ADCY9: variants seen among roughly 807,000 people sequenced by gnomAD.
The protein encoded by ADCY9 is adenylate cyclase 9.
A neutral mutation model predicts 101.5 loss-of-function variants in ADCY9; 50 were observed. The ratio of observed to expected loss-of-function variants is 0.49; its 90% CI spans 0.39 to 0.62. The LOEUF is 0.62. ADCY9 is among the 20% of genes least tolerant of loss of function. The pLI, the probability that ADCY9 is intolerant of heterozygous loss-of-function variation, is 0.00. For synonymous variants in ADCY9, 905 were observed against 769.3 expected (o/e 1.18, Z -2.92); for missense variants, 1,662 against 1,800.4 (o/e 0.92, Z 1.39).
At chr16:4,081,066 T>C (rs1168726547) in intron 2 of ADCY9, among the ~76,000 whole-genome samples, 1 of 152,190 alleles carries the variant, frequency 6.6e-6, no homozygotes, top group Non-Finnish European at 1.5e-5. Context: ...CCGAGAAATA[T>C]TTCTAGGTCT....
At position 3,965,719 on chromosome 16, in the gene ADCY9, C is replaced by T; in HGVS notation, c.*56G>A. The T allele has an allele frequency of 6.6e-7, 1 of 1,521,162 alleles. No individual in the cohort carries two copies. The highest frequency in any genetic ancestry group is 1.4e-5 in the African/African-American group (1 of 72,554). 94.2% of individuals were successfully genotyped at this position (1,521,162 alleles called of 1,614,324 possible). ...GCTTGGAAAGCACAACAGCCAAATA[C>T]AAATATTACTGTGTTTCGACAAACA... On this transcript the variant is annotated 3_prime_UTR_variant, in exon 11 of 11. Transcript: ENST00000294016.
intron 7 of ADCY9, among the ~76,000 whole-genome samples, chr16:3,981,591 ATCT>A (rs547106756): frequency 2.3e-3 from 348 of 152,188 alleles, no homozygotes; most frequent in African/African-American, 7.8e-3. Flanking sequence ...AATAAAGCAG[ATCT>A]TCTTTTTTTT....
In ADCY9 at chr16:4,004,467, G is replaced by A. The variant is rs146431074; in HGVS notation, c.1884+2901C>T. On this transcript the variant is annotated intron_variant, in intron 3 of 10. Coordinates refer to ENST00000294016, the MANE Select transcript of ADCY9 (RefSeq NM_001116.4). ...CAGAGGACACACATGCTAAGGGCAG[G>A]AAATAAACCCTTCGTGGGCGCTGCC... 3.8e-3 allele frequency among the ~76,000 whole-genome samples: 576 copies of A among 152,258 alleles called. 2 individuals are homozygous for A. The highest frequency in any genetic ancestry group is 0.013 in the African/African-American group (542 of 41,548).
chr16:4,000,330 G>C (rs1001679188), intron 3 of ADCY9, among the ~76,000 whole-genome samples: 1 of 152,094 alleles, frequency 6.6e-6, no homozygotes, highest in Non-Finnish European at 1.5e-5. Flanking sequence ...CGCGTAAAGA[G>C]GCGGTGAGCC....
rs750569843 is a variant in ADCY9 at position 3,966,454 on chromosome 16, C to T, written c.3383G>A (p.Gly1128Asp). The change falls in exon 11 of 11, where the codon GGC (glycine) becomes GAC (aspartate). Residue 1128 changes from glycine (G) to aspartate (D), a missense_variant. Around this residue, in one of 5 missense-constraint regions of ADCY9, gnomAD observed 220 missense variants for 312.9 expected, o/e 0.70. Coordinates refer to ENST00000294016, the MANE Select transcript of ADCY9 (RefSeq NM_001116.4). ...CTGCAGGTGCTCCTGCGGGTGGCTGCCGTCCTGGGCCTGCGCGGTGTTCAG... is the reference window on the plus strand; with the variant it reads ...CTGCAGGTGCTCCTGCGGGTGGCTGTCGTCCTGGGCCTGCGCGGTGTTCAG... ...SGLNTAQAQD[G>D]SHPQEHLQIL... 3 of 1,614,150 alleles carry T rather than the reference C, an allele frequency of 1.9e-6. No homozygotes were observed. The Admixed American group carries it at 5.0e-5, about 27-fold the overall frequency.
intron 2 of ADCY9, among the ~76,000 whole-genome samples, chr16:4,055,237 T>A (rs2056729845): frequency 6.6e-6 from 1 of 152,120 alleles, no homozygotes; most frequent in African/African-American, 2.4e-5. Context: ...AAAGCCTTTT[T>A]AGATGTCTTT....
At chr16:4,103,568 G>A (rs773362876) in intron 2 of ADCY9, among the ~76,000 whole-genome samples, 9 of 152,322 alleles carry the variant, frequency 5.9e-5, no homozygotes, top group African/African-American at 9.6e-5. Context: ...AGTGGCTCAC[G>A]CCTGTAATCC....
chr16:4,006,533 C>T (rs939346684), intron 3 of ADCY9, among the ~76,000 whole-genome samples: 17 of 152,074 alleles, frequency 1.1e-4, no homozygotes, highest in Non-Finnish European at 2.1e-4. Flanking sequence ...GAGGCAGGGA[C>T]GTATTGGGTG....
At position 4,007,367 on chromosome 16, in the gene ADCY9, C is replaced by A; in HGVS notation, c.1884+1G>T. The A allele has an allele frequency of 6.4e-7, 1 of 1,559,846 alleles. No individual in the cohort carries two copies. Among genetic ancestry groups the A allele is most frequent in the South Asian group, 1.2e-5 (1 of 83,038 alleles). ...AGGAAAAAAAAAACAAAAAAACTAA[C>A]CTTAAGGTTATCAAAGGTTTTGACA... On this transcript the variant is annotated splice_donor_variant, in intron 3 of 10. Transcript: ENST00000294016. LOFTEE classifies it high-confidence loss of function.
chr16:4,048,196 A>G (rs992043635), intron 2 of ADCY9, among the ~76,000 whole-genome samples: 30 of 152,362 alleles, frequency 2.0e-4, no homozygotes, highest in African/African-American at 6.7e-4. Flanking sequence ...CATACAAAAA[A>G]GAAATGTAAT....
chr16:3,993,573 G>A, intron 3 of ADCY9, 63 bp from the exon 4 acceptor site: 2 of 1,593,332 alleles, frequency 1.3e-6, no homozygotes, highest in Non-Finnish European at 1.7e-6. Flanking sequence ...CCTGAATTCA[G>A]GCAGGTCCGC....
At chr16:3,961,178 T>C (rs2055935876), downstream of ADCY9, among the ~76,000 whole-genome samples, 1 of 152,208 alleles carries the variant, frequency 6.6e-6, no homozygotes, top group Non-Finnish European at 1.5e-5. Flanking sequence ...CTGGGCGCGG[T>C]GGCTCATGCC....
At chr16:4,014,938 C>T (rs2056428120) in intron 2 of ADCY9, among the ~76,000 whole-genome samples, 1 of 43,478 alleles carries the variant, frequency 2.3e-5, no homozygotes, top group Admixed American at 4.1e-4. Flanking sequence ...CCTGTTTTGG[C>T]CTTTTTTTTT....
intron 2 of ADCY9, among the ~76,000 whole-genome samples, chr16:4,076,420 A>G (rs1299747007): frequency 6.6e-6 from 1 of 152,216 alleles, no homozygotes; most frequent in Admixed American, 6.5e-5. Flanking sequence ...TGCCCAAAGA[A>G]AAAGGCTCCA....
At chr16:4,006,610 A>G (rs1213503982) in intron 3 of ADCY9, among the ~76,000 whole-genome samples, 2 of 152,218 alleles carry the variant, frequency 1.3e-5, no homozygotes, top group Non-Finnish European at 2.9e-5. Context: ...ACAAAGCAGC[A>G]TAGGAGAGCT....
rs1391025768 is a variant in ADCY9 at position 4,115,980 on chromosome 16, GA to G, written c.-335del. ...CGGCGCGCGGCCGGCCCCGGGCCCG[GA>G]CCCCGACCCGGAGCAGCGAGCTTCG... On this transcript the variant is annotated 5_prime_UTR_variant, in exon 1 of 11. Transcript: ENST00000294016. This position sits in a 1 kb window ranked among gnomAD's most constrained non-coding sequence, Gnocchi z 6.2. The G allele has an allele frequency of 3.9e-6, 1 of 257,886 alleles. No homozygotes were observed. Among genetic ancestry groups the G allele is most frequent in the South Asian group, 1.6e-4 (1 of 6,132 alleles). The allele number at this position is 257,886 out of a possible 1,614,324, so 16.0% of individuals were successfully genotyped here.
chr16:4,050,162 C>A (rs2056691602), intron 2 of ADCY9, among the ~76,000 whole-genome samples: 8 of 151,772 alleles, frequency 5.3e-5, no homozygotes, highest in Admixed American at 5.2e-4. Flanking sequence ...TGGTGACATA[C>A]AAGGGTCAAT....
chr16:3,997,073 C>T (rs1290564190), intron 3 of ADCY9, among the ~76,000 whole-genome samples: 1 of 152,182 alleles, frequency 6.6e-6, no homozygotes, highest in East Asian at 1.9e-4. Flanking sequence ...CCACGTTGGT[C>T]AGGCTGGTCT....
chr16:4,023,397 G>A (rs1259314698), intron 2 of ADCY9, among the ~76,000 whole-genome samples: 1 of 152,200 alleles, frequency 6.6e-6, no homozygotes, highest in Non-Finnish European at 1.5e-5. Flanking sequence ...CGTCCTTTCT[G>A]AAGAAATGAG....
Sources: allele counts gnomAD v4.1 joint callset (sites outside exome capture counted in the v4.1 genomes callset), GRCh38; gene constraint gnomAD v4.1.1; regional missense constraint gnomAD v4.1.1; non-coding constraint Gnocchi (gnomAD v3.1); transcripts MANE v1.5; gene names NCBI Gene and HGNC (gene_info 2026-07-23, HGNC 2026-07-21).